SASH1: variants seen among roughly 807,000 people sequenced by gnomAD.
The protein encoded by SASH1 is SAM and SH3 domain-containing protein 1.
SASH1 carries 44 observed loss-of-function variants against 125.2 expected under a neutral mutation model. That is an observed-to-expected ratio of 0.35 (90% CI 0.28 to 0.45). SASH1 has a LOEUF of 0.45. Among genes scored for constraint, SASH1 ranks in the 20% least tolerant of loss-of-function variants. SASH1 has a pLI of 1.00. For missense variants in SASH1, 1,426 were observed against 1,614.5 expected (o/e 0.88, Z 2.00); for synonymous variants, 639 against 649.1 (o/e 0.98, Z 0.24).
At chr6:148,507,000 A>G (rs1779836629) in intron 8 of SASH1, among the ~76,000 whole-genome samples, 1 of 152,200 alleles carries the variant, frequency 6.6e-6, no homozygotes. Context: ...TGTTGGAAGT[A>G]CAACATCGCA....
Position 148,288,066 on chromosome 6 carries a change from C to T in SASH1, n.74+15689C>T, listed in dbSNP as rs565748826. ...GACAGAAAAGACGTTTCATCATCGC[C>T]CTAACTGGCCGTGCTTGTGGCAGTG... On this transcript the variant is annotated intron_variant and non_coding_transcript_variant, in intron 1 of 3. Transcript: ENST00000367469. 1.4e-4 allele frequency among the ~76,000 whole-genome samples: 22 copies of T among 152,328 alleles called. No individual in the cohort carries two copies. In the South Asian group the frequency reaches 4.4e-3, roughly 30 times the overall value.
chr6:148,459,696 GA>G (rs977224875), intron 4 of SASH1, among the ~76,000 whole-genome samples: 4 of 151,192 alleles, frequency 2.6e-5, no homozygotes, highest in Admixed American at 1.3e-4. Context: ...TAGGGTGGTT[GA>G]AAAAAAAGGC....
chr6:148,321,257 G>A (rs896642084), intron 1 of SASH1, among the ~76,000 whole-genome samples: 1 of 152,054 alleles, frequency 6.6e-6, no homozygotes, highest in Non-Finnish European at 1.5e-5. Context: ...CTGGCGTGGT[G>A]GCGCATGCCT....
At chr6:148,205,154 G>T in the SASH1 span, among the ~76,000 whole-genome samples, 1 of 152,146 alleles carries the variant, frequency 6.6e-6, no homozygotes, top group African/African-American at 2.4e-5. Context: ...CAGTTATAAT[G>T]GGGCGATTTA....
At chr6:148,284,954 TA>T (rs1295432991) in intron 1 of SASH1, among the ~76,000 whole-genome samples, 2 of 152,160 alleles carry the variant, frequency 1.3e-5, no homozygotes, top group South Asian at 2.1e-4. Flanking sequence ...TTTTGTTTAA[TA>T]TTTAATACTT....
At chr6:148,235,146 T>G in the SASH1 span, among the ~76,000 whole-genome samples, 1 of 152,120 alleles carries the variant, frequency 6.6e-6, no homozygotes. Flanking sequence ...AACGTGTCAA[T>G]GGTAATCACA....
chr6:148,206,187 A>T, the SASH1 span, among the ~76,000 whole-genome samples: 59 of 152,172 alleles, frequency 3.9e-4, no homozygotes, highest in Middle Eastern at 3.4e-3. Flanking sequence ...ATTGTCATTA[A>T]CCTACTAAGC....
intron 2 of SASH1, among the ~76,000 whole-genome samples, chr6:148,406,839 A>T (rs1216059773): frequency 6.6e-6 from 1 of 151,912 alleles, no homozygotes; most frequent in Non-Finnish European, 1.5e-5. Flanking sequence ...AGGCGCTCCA[A>T]GGGAGGAGCA....
At chr6:148,261,356 T>C in the SASH1 span, among the ~76,000 whole-genome samples, 1 of 152,204 alleles carries the variant, frequency 6.6e-6, no homozygotes, top group African/African-American at 2.4e-5. Flanking sequence ...TGGGTCTCCA[T>C]GTCCTTGCCT....
At chr6:148,375,518 G>C (rs2114763097) in intron 1 of SASH1, among the ~76,000 whole-genome samples, 1 of 152,146 alleles carries the variant, frequency 6.6e-6, no homozygotes, top group Non-Finnish European at 1.5e-5. Flanking sequence ...TGCTTCAGAT[G>C]CTTTTTCAGA....
At chr6:148,536,852 TA>T (rs1781877273) in intron 16 of SASH1, among the ~76,000 whole-genome samples, 1 of 152,204 alleles carries the variant, frequency 6.6e-6, no homozygotes, top group Non-Finnish European at 1.5e-5. Flanking sequence ...ATCAGGTTGC[TA>T]ACCTGGAAGG....
chr6:148,196,448 C>T, the SASH1 span, among the ~76,000 whole-genome samples: 1 of 152,182 alleles, frequency 6.6e-6, no homozygotes, highest in African/African-American at 2.4e-5. Flanking sequence ...GCATGATGGC[C>T]ATGCATGATT....
intron 2 of SASH1, among the ~76,000 whole-genome samples, chr6:148,390,594 C>T (rs546865607): frequency 6.6e-4 from 100 of 152,164 alleles, no homozygotes; most frequent in African/African-American, 1.5e-3. Context: ...AGACCATCCT[C>T]GCTAACACGG....
chr6:148,399,214 C>CTTTTTTTTTTTTTTTTTTTTTTTTTT (rs371374910), intron 2 of SASH1, among the ~76,000 whole-genome samples: 3 of 106,664 alleles, frequency 2.8e-5, no homozygotes, highest in Non-Finnish European at 3.7e-5. Context: ...ATTTCAGCTT[C>CTTTTTTTTTTTTTTTTTTTTTTTTTT]TTTTTTTTTT....
chr6:148,233,158 G>A, the SASH1 span, among the ~76,000 whole-genome samples: 1 of 150,922 alleles, frequency 6.6e-6, no homozygotes, highest in South Asian at 2.1e-4. Context: ...AGGTTGCAGT[G>A]AGCCGAGATC....
the SASH1 span, among the ~76,000 whole-genome samples, chr6:148,231,322 A>G: frequency 6.6e-6 from 1 of 152,172 alleles, no homozygotes; most frequent in African/African-American, 2.4e-5. Context: ...CCTCAACTCT[A>G]TTCCATTGAT....
chr6:148,361,599 TC>T (rs1290467146), intron 1 of SASH1, among the ~76,000 whole-genome samples: 9 of 57,250 alleles, frequency 1.6e-4, no homozygotes, highest in African/African-American at 5.3e-4. Flanking sequence ...AAACTCTGTC[TC>T]AAAAAAAAAA....
rs1276531208 is a variant in SASH1 at position 148,487,604 on chromosome 6, C to T, written c.628-10C>T. 1.1e-5 allele frequency: 17 copies of T among 1,606,212 alleles called. No homozygotes were observed. The highest frequency in any genetic ancestry group is 1.4e-5 in the Non-Finnish European group (17 of 1,174,392). ...CTTTCCATTTCAGTATCCATTTCTT[C>T]TTGTTACAGCTCAAGGAATACGAGG... On this transcript the variant is annotated splice_polypyrimidine_tract_variant and intron_variant, in intron 7 of 19. Coordinates refer to ENST00000367467, the MANE Select transcript of SASH1 (RefSeq NM_015278.5).
the SASH1 span, among the ~76,000 whole-genome samples, chr6:148,229,133 C>CAAAAAAAA: frequency 3.9e-4 from 24 of 60,954 alleles, no homozygotes; most frequent in African/African-American, 5.3e-4. Flanking sequence ...GACTCCATCT[C>CAAAAAAAA]AAAAAAAAAA....
Sources: allele counts gnomAD v4.1 joint callset (sites outside exome capture counted in the v4.1 genomes callset), GRCh38; gene constraint gnomAD v4.1.1; transcripts MANE v1.5; gene names NCBI Gene and HGNC (gene_info 2026-07-23, HGNC 2026-07-21).